ZNF766: variants seen among roughly 807,000 people sequenced by gnomAD.
ZNF766 encodes the protein zinc finger protein 766.
A neutral mutation model predicts 13.2 loss-of-function variants in ZNF766; 13 were observed. The observed-to-expected ratio is 0.98, with a 90% CI of 0.64 to 1.56. ZNF766 has a LOEUF of 1.56. Among genes scored for constraint, ZNF766 ranks in the 40% most tolerant of loss-of-function variants. The probability of loss-of-function intolerance (pLI) is 0.00; values close to 1 mark genes in which losing one functional copy is unlikely to be tolerated. For synonymous variants in ZNF766, 178 were observed against 187.6 expected, an observed-to-expected ratio of 0.95 and a Z score of 0.42; for missense variants, 521 against 552.2, an observed-to-expected ratio of 0.94 and a Z score of 0.57.
At chr19:52,283,158 CTT>C (rs779542472) in intron 2 of ZNF766, 125 bp from the exon 3 acceptor site, 83 of 1,214,246 alleles carry the variant, frequency 6.8e-5, no homozygotes, top group Non-Finnish European at 9.0e-5. Context: ...TGCTTGCTGA[CTT>C]TTTCATGATC....
At chr19:52,285,570 G>A (rs536050749) in intron 3 of ZNF766, among the ~76,000 whole-genome samples, 1 of 152,336 alleles carries the variant, frequency 6.6e-6, no homozygotes, top group East Asian at 1.9e-4. Context: ...GGACAGGTAT[G>A]GGGGAAGGAC....
At chr19:52,280,439 T>C (rs1380818470) in intron 1 of ZNF766, among the ~76,000 whole-genome samples, 2 of 152,222 alleles carry the variant, frequency 1.3e-5, no homozygotes, top group Non-Finnish European at 2.9e-5. Flanking sequence ...TCATCTGATG[T>C]GTAAATTGTA....
rs144207183 is a variant in ZNF766 at position 52,287,325 on chromosome 19, T to C, written c.275-2741T>C. On this transcript the variant is annotated intron_variant, in intron 3 of 3. Coordinates refer to ENST00000439461, the MANE Select transcript of ZNF766 (RefSeq NM_001010851.3). ...GCCTAGCTAATTTTTGTATTTTTAG[T>C]AGAGACGGGGTTTCACTGTGTTGGT... 3.5e-3 allele frequency among the ~76,000 whole-genome samples: 535 copies of C among 151,814 alleles called. 2 individuals are homozygous for C. Among genetic ancestry groups the C allele is most frequent in the African/African-American group, 0.012 (517 of 41,362 alleles).
At position 52,289,153 on chromosome 19, in the gene ZNF766, GTTT is replaced by G. The variant is rs61647050; in HGVS notation, c.275-900_275-898del. On this transcript the variant is annotated intron_variant, in intron 3 of 3. Coordinates refer to ENST00000439461, the MANE Select transcript of ZNF766 (RefSeq NM_001010851.3). ...TTACAGGCGTGAGCCACCGCATGTG[GTTT>G]TTTTTTTTTTTTGAAACGGATTCTC... is the stretch of plus-strand genomic sequence containing the variant. Among the ~76,000 whole-genome samples, 8 of 133,470 alleles carry G rather than the reference GTTT, an allele frequency of 6.0e-5. No individual in the cohort carries two copies. The East Asian group carries it at 1.5e-3, about 26-fold the overall frequency. The allele number at this position is 133,470 out of a possible 152,430, so 87.6% of individuals were successfully genotyped here.
chr19:52,283,142 A>C (rs979569022), intron 2 of ZNF766, 143 bp from the exon 3 acceptor site: 2 of 933,456 alleles, frequency 2.1e-6, no homozygotes, highest in Non-Finnish European at 1.5e-6. Context: ...TGTCTCCAGC[A>C]TCTGTTGCTT....
Position 52,290,730 on chromosome 19 carries a change from C to A in ZNF766, c.939C>A (p.Tyr313Ter). 6.2e-7 allele frequency: 1 copy of A among 1,613,944 alleles called. No individual in the cohort carries two copies. The highest frequency in any genetic ancestry group is 8.5e-7 in the Non-Finnish European group (1 of 1,179,902). Reference protein sequence around the residue: ...KCGKVYSSSSYLAQHWRIHTG... With the variant: ...KCGKVYSSSS ...GCAAGGTTTATAGTAGCAGTTCATA[C>A]CTAGCACAACATTGGAGAATTCATA... The change falls in exon 4 of 4, where the codon TAC becomes TAA. Residue 313 changes from tyrosine to a stop codon, truncating the protein, a stop_gained. Transcript: ENST00000439461. LOFTEE classifies it low-confidence loss of function (END_TRUNC).
In ZNF766 at chr19:52,292,012, T is replaced by TCA; in HGVS notation, c.*814_*815insCA. ...GCTCAAGCCCAGGAGTTTGAGAGTT[T>TCA]GAGCAGTGAGCTCTGATCTTGCCAT... On this transcript the variant is annotated 3_prime_UTR_variant, in exon 4 of 4. Coordinates refer to ENST00000439461, the MANE Select transcript of ZNF766 (RefSeq NM_001010851.3). 2 of 606,254 alleles carry TCA rather than the reference T, an allele frequency of 3.3e-6. No individual in the cohort carries two copies. Among genetic ancestry groups the TCA allele is most frequent in the Admixed American group, 5.6e-5 (2 of 36,024 alleles). 37.6% of individuals were successfully genotyped at this position (606,254 alleles called of 1,614,324 possible).
At chr19:52,274,904 C>T (rs1229303505) in intron 1 of ZNF766, among the ~76,000 whole-genome samples, 2 of 152,126 alleles carry the variant, frequency 1.3e-5, no homozygotes, top group Non-Finnish European at 2.9e-5. Context: ...AAAGATATAG[C>T]AGAAGCTTTT....
At chr19:52,281,648 GAACTT>G (rs1981526725) in intron 1 of ZNF766, 1 of 384,186 alleles carries the variant, frequency 2.6e-6, no homozygotes, top group South Asian at 2.0e-5. Context: ...TTTTGTCCAT[GAACTT>G]AACTTTACTC....
At chr19:52,276,003 A>C (rs952771427) in intron 1 of ZNF766, among the ~76,000 whole-genome samples, 1 of 152,038 alleles carries the variant, frequency 6.6e-6, no homozygotes, top group South Asian at 2.1e-4. Flanking sequence ...TTCTATATTT[A>C]GATATGTTTT....
In ZNF766 at chr19:52,290,422, G is replaced by A. The variant is rs181440004; in HGVS notation, c.631G>A (p.Ala211Thr). ...SLPNHQVIHT[A>T]DKPNRCHECG... ...TCCTAATCATCAAGTAATCCACACT[G>A]CAGATAAACCTAACAGATGTCATGA... Residue 211 changes from alanine to threonine, a missense_variant, in exon 4 of 4, where the codon GCA (alanine) becomes ACA (threonine). Ala to Thr is a moderately conservative substitution (Grantham distance 58). Transcript: ENST00000439461. 50 of 1,613,920 alleles carry A rather than the reference G, an allele frequency of 3.1e-5. No homozygotes were observed. The East Asian group carries it at 8.7e-4, about 28-fold the overall frequency.
chr19:52,280,235 C>T (rs886866574), intron 1 of ZNF766, among the ~76,000 whole-genome samples: 11 of 152,078 alleles, frequency 7.2e-5, no homozygotes, highest in African/African-American at 2.4e-4. Flanking sequence ...GTATGTGCAC[C>T]GTTAGCCCCA....
intron 1 of ZNF766, among the ~76,000 whole-genome samples, chr19:52,280,646 G>T (rs922170593): frequency 6.6e-6 from 1 of 151,962 alleles, no homozygotes; most frequent in African/African-American, 2.4e-5. Flanking sequence ...GCAGTGGCGT[G>T]ATCTCAGCTC....
chr19:52,283,447 CT>C (rs527871489), intron 3 of ZNF766, 34 bp downstream of exon 3: 175,301 of 1,205,408 alleles, frequency 0.15, 2 homozygotes, highest in East Asian at 0.19. Context: ...GAAAGCCACA[CT>C]TTTTTTTTTT....
chr19:52,283,225 A>T (rs1981622563), intron 2 of ZNF766, 60 bp from the exon 3 acceptor site: 1 of 1,570,100 alleles, frequency 6.4e-7, no homozygotes, highest in South Asian at 1.2e-5. Flanking sequence ...TGCTGCCTAA[A>T]CAGAGGGCTT....
Position 52,290,645 on chromosome 19 carries a change from A to G in ZNF766, c.854A>G (p.Tyr285Cys). 1.2e-6 allele frequency: 2 copies of G among 1,613,892 alleles called. No homozygotes were observed. Among genetic ancestry groups the G allele is most frequent in the South Asian group, 2.2e-5 (2 of 91,052 alleles). Residue 285 changes from tyrosine to cysteine, a missense_variant, in exon 4 of 4, where the codon TAC (tyrosine) becomes TGC (cysteine). Coordinates refer to ENST00000439461, the MANE Select transcript of ZNF766 (RefSeq NM_001010851.3). ...ECGKVFSRIT[Y>C]LVRHQKIHTR... is the part of the protein sequence containing the mutation. The stretch of plus-strand genomic sequence containing the variant: ...GGCAAGGTCTTCAGTCGAATTACAT[A>G]CCTTGTACGACATCAGAAAATTCAT...
At position 52,290,300 on chromosome 19, in the gene ZNF766, A is replaced by G. The variant is rs376749791; in HGVS notation, c.509A>G (p.Asp170Gly). 1 of 1,613,622 alleles carries G rather than the reference A, an allele frequency of 6.2e-7. No homozygotes were observed. Among genetic ancestry groups the G allele is most frequent in the Admixed American group, 1.7e-5 (1 of 59,984 alleles). Residue 170 changes from aspartate (D) to glycine (G), a missense_variant, in exon 4 of 4, where the codon GAT becomes GGT. Coordinates refer to ENST00000439461, the MANE Select transcript of ZNF766 (RefSeq NM_001010851.3). ...AATAAACATAGGAATGATTTTGTTGATTTTCCATTGCTGTCACAAGAACAG... is the reference window on the plus strand; with the variant it reads ...AATAAACATAGGAATGATTTTGTTGGTTTTCCATTGCTGTCACAAGAACAG... ...IFNKHRNDFV[D>G]FPLLSQEQKA...
intron 1 of ZNF766, chr19:52,281,868 A>C: frequency 1.9e-6 from 1 of 534,374 alleles, no homozygotes; most frequent in South Asian, 1.5e-5. Flanking sequence ...CTTGTATGCT[A>C]GCTCAGGTAG....
chr19:52,285,011 G>A (rs1981741106), intron 3 of ZNF766: 1 of 152,022 alleles, frequency 6.6e-6, no homozygotes, highest in Non-Finnish European at 1.5e-5. Context: ...CTTCCTGGAG[G>A]ATGGTGGTTG....
Sources: allele counts gnomAD v4.1 joint callset (sites outside exome capture counted in the v4.1 genomes callset), GRCh38; gene constraint gnomAD v4.1.1; transcripts MANE v1.5; gene names NCBI Gene and HGNC (gene_info 2026-07-23, HGNC 2026-07-21).